Variants in ADK observed in about 807,000 individuals in gnomAD.
ADK encodes adenosine kinase, also known as N6,N6-dimethyladenosine kinase.
In ADK, 24 loss-of-function variants were observed where a neutral mutation model predicts 44.7. The ratio of observed to expected loss-of-function variants is 0.54; its 90% confidence interval spans 0.39 to 0.76. The LOEUF is 0.76. ADK is among the 30% of genes least tolerant of loss of function. The probability of loss-of-function intolerance (pLI) is 0.00; values close to 1 mark genes in which losing one functional copy is unlikely to be tolerated. For synonymous variants in ADK, 128 were observed against 142.6 expected (o/e 0.90, Z 0.73); for missense variants, 321 against 425.1 (o/e 0.76, Z 2.15).
intron 3 of ADK, among the ~76,000 whole-genome samples, chr10:74,278,378 A>C (rs1049255443): frequency 2.0e-5 from 3 of 151,394 alleles, no homozygotes; most frequent in African/African-American, 7.3e-5. Context: ...AAAAAAAAAA[A>C]AAAAAAAACA....
intron 3 of ADK, among the ~76,000 whole-genome samples, chr10:74,233,041 T>C (rs755564271): frequency 1.3e-5 from 2 of 152,244 alleles, no homozygotes; most frequent in African/African-American, 2.4e-5. Context: ...TTTAAATTGC[T>C]ACCTTCTACT....
intron 4 of ADK, among the ~76,000 whole-genome samples, chr10:74,349,016 C>T (rs530112303): frequency 6.6e-6 from 1 of 152,132 alleles, no homozygotes; most frequent in Non-Finnish European, 1.5e-5. Context: ...GAGAACTTCC[C>T]CAACCTAGCA....
intron 4 of ADK, among the ~76,000 whole-genome samples, chr10:74,317,963 G>A (rs915596981): frequency 2.0e-4 from 31 of 152,042 alleles, no homozygotes; most frequent in Non-Finnish European, 3.5e-4. Context: ...TGTATTTTTA[G>A]TAGAGATGGG....
intron 6 of ADK, among the ~76,000 whole-genome samples, chr10:74,485,261 G>A (rs1342043521): frequency 6.6e-6 from 1 of 152,026 alleles, no homozygotes; most frequent in African/African-American, 2.4e-5. Context: ...AATCACATGT[G>A]TATTGAAGGA....
intron 3 of ADK, among the ~76,000 whole-genome samples, chr10:74,276,119 A>G (rs1209757254): frequency 1.3e-5 from 2 of 152,174 alleles, no homozygotes; most frequent in Non-Finnish European, 2.9e-5. Context: ...TATATTACAC[A>G]TATGTTTACC....
At chr10:74,617,320 A>G (rs1295985106) in intron 9 of ADK, among the ~76,000 whole-genome samples, 2 of 152,134 alleles carry the variant, frequency 1.3e-5, no homozygotes, top group African/African-American at 4.8e-5. Flanking sequence ...CTTTGTAGAT[A>G]CTCTATCAGA....
intron 9 of ADK, among the ~76,000 whole-genome samples, chr10:74,604,480 T>C (rs1852249195): frequency 6.6e-6 from 1 of 152,200 alleles, no homozygotes; most frequent in African/African-American, 2.4e-5. Flanking sequence ...GGCTAGTCAG[T>C]TTTCCCAGCA....
At chr10:74,162,124 G>A (rs1009573386) in intron 1 of ADK, among the ~76,000 whole-genome samples, 2 of 151,830 alleles carry the variant, frequency 1.3e-5, no homozygotes, top group African/African-American at 4.8e-5. Context: ...GGTTTCAAGC[G>A]ATTCTCCTGC....
chr10:74,267,754 T>TTTTGTGTGTGTGTGTGTG (rs1554835954), intron 3 of ADK, among the ~76,000 whole-genome samples: 3,129 of 132,588 alleles, frequency 0.024, 104 homozygotes, highest in Non-Finnish European at 0.037. Flanking sequence ...ATATCCTTAT[T>TTTTGTGTGTGTGTGTGTG]TGTGTGTGTG....
chr10:74,415,183 T>C (rs1293786977), intron 6 of ADK, among the ~76,000 whole-genome samples: 6 of 152,308 alleles, frequency 3.9e-5, no homozygotes, highest in Middle Eastern at 3.4e-3. Context: ...AAAATAAGCA[T>C]ATGTATAGCA....
chr10:74,586,864 A>AT (rs1190627008), intron 7 of ADK, among the ~76,000 whole-genome samples: 5 of 150,962 alleles, frequency 3.3e-5, no homozygotes, highest in African/African-American at 9.9e-5. Context: ...CAAAAAAAAA[A>AT]AAAAATATAT....
intron 7 of ADK, among the ~76,000 whole-genome samples, chr10:74,566,552 T>C (rs1312160973): frequency 1.3e-5 from 2 of 152,174 alleles, no homozygotes; most frequent in Non-Finnish European, 2.9e-5. Context: ...CTATTTATGG[T>C]TTTTGTTTCT....
intron 9 of ADK, among the ~76,000 whole-genome samples, chr10:74,604,794 A>G (rs984143685): frequency 4.6e-5 from 7 of 152,092 alleles, no homozygotes; most frequent in Non-Finnish European, 7.4e-5. Flanking sequence ...AAGAAAGTCA[A>G]TGGTAGCTTG....
intron 6 of ADK, among the ~76,000 whole-genome samples, chr10:74,499,583 G>C (rs1206341513): frequency 6.6e-6 from 1 of 152,104 alleles, no homozygotes; most frequent in African/African-American, 2.4e-5. Context: ...AGCTGCTCAG[G>C]AGGCTGAGGC....
intron 6 of ADK, among the ~76,000 whole-genome samples, chr10:74,473,574 A>T (rs967056328): frequency 2.0e-5 from 3 of 152,334 alleles, no homozygotes; most frequent in African/African-American, 7.2e-5. Context: ...TTTGTAGGAT[A>T]TCTTTCAATT....
intron 3 of ADK, among the ~76,000 whole-genome samples, chr10:74,234,942 A>C (rs986897766): frequency 1.4e-4 from 21 of 152,176 alleles, no homozygotes; most frequent in Admixed American, 3.9e-4. Context: ...TGTACACACA[A>C]AGTTTTAATA....
chr10:74,583,569 T>G (rs1851438596), intron 7 of ADK, among the ~76,000 whole-genome samples: 1 of 152,178 alleles, frequency 6.6e-6, no homozygotes. Context: ...GAAGTTTTGG[T>G]TTTTGTTGTC....
chr10:74,560,746 C>T (rs1850431737), intron 7 of ADK, among the ~76,000 whole-genome samples: 1 of 152,148 alleles, frequency 6.6e-6, no homozygotes, highest in Admixed American at 6.5e-5. Flanking sequence ...GAAAAAATTC[C>T]TTTAGATAAA....
At chr10:74,518,550 G>A (rs371632519) in intron 6 of ADK, among the ~76,000 whole-genome samples, 31 of 152,120 alleles carry the variant, frequency 2.0e-4, no homozygotes, top group African/African-American at 7.5e-4. Context: ...AACATCTCTT[G>A]GTTGTGTAGA....
Sources: gnomAD v4.1 joint callset for allele counts (sites outside exome capture counted in the v4.1 genomes callset) on GRCh38, gnomAD v4.1.1 for gene constraint, MANE v1.5 for transcripts, NCBI Gene and HGNC (gene_info 2026-07-23, HGNC 2026-07-21) for gene names.